P3H2: variants seen among roughly 807,000 people sequenced by gnomAD.
P3H2 encodes the protein prolyl 3-hydroxylase 2, also known as leprecan-like 1.
A neutral mutation model predicts 87.0 loss-of-function variants in P3H2; 80 were observed. The observed-to-expected ratio is 0.92, with a 90% CI of 0.77 to 1.11. The LOEUF (loss-of-function observed/expected upper bound fraction) is 1.11. Among genes scored for constraint, P3H2 ranks in the 50% least tolerant of loss-of-function variants. The pLI is 0.00. For missense variants in P3H2, 1,001 were observed against 923.9 expected (o/e 1.08, Z -1.08); for synonymous variants, 367 against 359.3 (o/e 1.02, Z -0.24).
chr3:189,972,720 A>G (rs1429457451), intron 11 of P3H2, among the ~76,000 whole-genome samples, 154 bp downstream of exon 11: 1 of 152,252 alleles, frequency 6.6e-6, no homozygotes, highest in African/African-American at 2.4e-5. Context: ...AGAAAAAGAA[A>G]GAAGCAGAAT....
Position 189,984,272 on chromosome 3 carries a change from C to T in P3H2, c.1229+278G>A, listed in dbSNP as rs9873025. 8.0e-3 allele frequency among the ~76,000 whole-genome samples: 1,218 copies of T among 152,100 alleles called. 14 individuals carry two copies. The highest frequency in any genetic ancestry group is 0.028 in the African/African-American group (1,176 of 41,470). ...AACCAGTATCCAACCTTCTCAGATTCGGAATCATGGAACGTTAGCAGATAG... is the reference window on the plus strand; with the variant it reads ...AACCAGTATCCAACCTTCTCAGATTTGGAATCATGGAACGTTAGCAGATAG... On this transcript the variant is annotated intron_variant, in intron 7 of 14. Transcript: ENST00000319332.
chr3:189,968,625 G>A (rs942057593), intron 13 of P3H2, among the ~76,000 whole-genome samples: 46 of 152,240 alleles, frequency 3.0e-4, no homozygotes, highest in African/African-American at 1.0e-3. Context: ...TGGGATTGCT[G>A]GGTCAAATGG....
In P3H2 at chr3:190,073,027, A is replaced by T. The variant is rs957713834; in HGVS notation, c.480+47225T>A. 1.1e-4 allele frequency among the ~76,000 whole-genome samples: 17 copies of T among 152,222 alleles called. 1 individual carries two copies. The highest frequency in any genetic ancestry group is 3.9e-4 in the African/African-American group (16 of 41,458). On this transcript the variant is annotated intron_variant, in intron 1 of 14. Coordinates refer to ENST00000319332, the MANE Select transcript of P3H2 (RefSeq NM_018192.4). ...CTCCTGTACCATTTTAACTGCATTC[A>T]TATCACTTTAAAAATCACAAAGTCA...
chr3:190,118,895 C>A (rs975723590), intron 1 of P3H2, among the ~76,000 whole-genome samples: 9 of 151,652 alleles, frequency 5.9e-5, no homozygotes, highest in Non-Finnish European at 1.3e-4. Flanking sequence ...GAGTTCGAGA[C>A]CAGCCTGGCC....
At chr3:190,094,633 C>T (rs1251818226) in intron 1 of P3H2, among the ~76,000 whole-genome samples, 2 of 152,208 alleles carry the variant, frequency 1.3e-5, no homozygotes, top group Non-Finnish European at 2.9e-5. Context: ...AATACAGCAA[C>T]AACAGTGGGG....
In P3H2 at chr3:189,963,938, T is replaced by C. The variant is rs376374097; in HGVS notation, c.2034+20A>G. On this transcript the variant is annotated intron_variant, in intron 14 of 14. Coordinates refer to ENST00000319332, the MANE Select transcript of P3H2 (RefSeq NM_018192.4). Reference sequence around the variant, plus strand: ...CATGAAGCAAGCCTAATTGGCTTTCTGGGCGGGTGAGAAACTCACCAATTC... The same window carrying C: ...CATGAAGCAAGCCTAATTGGCTTTCCGGGCGGGTGAGAAACTCACCAATTC... 7.4e-6 allele frequency: 12 copies of C among 1,614,046 alleles called. No homozygotes were observed. The highest frequency in any genetic ancestry group is 1.0e-5 in the Non-Finnish European group (12 of 1,180,000).
chr3:190,010,591 C>T (rs1724555973), intron 1 of P3H2, among the ~76,000 whole-genome samples: 1 of 152,106 alleles, frequency 6.6e-6, no homozygotes, highest in African/African-American at 2.4e-5. Flanking sequence ...AAGAGGGCAA[C>T]AATCTGCAAG....
At chr3:190,080,630 G>A (rs779652012) in intron 1 of P3H2, among the ~76,000 whole-genome samples, 51 of 151,950 alleles carry the variant, frequency 3.4e-4, no homozygotes, top group East Asian at 1.9e-4. Flanking sequence ...TCGAACTCCC[G>A]ACCTCAGGTG....
At chr3:189,993,637 T>A (rs1470767572) in intron 3 of P3H2, among the ~76,000 whole-genome samples, 1 of 152,136 alleles carries the variant, frequency 6.6e-6, no homozygotes, top group African/African-American at 2.4e-5. Context: ...TTGTTTATAA[T>A]AATGAAAAAT....
intron 1 of P3H2, among the ~76,000 whole-genome samples, chr3:190,110,292 T>TAAC (rs1391702445): frequency 6.6e-6 from 1 of 152,158 alleles, no homozygotes; most frequent in Non-Finnish European, 1.5e-5. Flanking sequence ...ACTACTGATA[T>TAAC]AACAGGTAAA....
At chr3:190,066,889 C>G (rs1726527137) in intron 1 of P3H2, among the ~76,000 whole-genome samples, 1 of 152,118 alleles carries the variant, frequency 6.6e-6, no homozygotes, top group Non-Finnish European at 1.5e-5. Context: ...CCTTCTCCTT[C>G]CACCTTTCCA....
intron 1 of P3H2, among the ~76,000 whole-genome samples, chr3:190,118,293 T>C (rs1712374595): frequency 6.6e-6 from 1 of 151,940 alleles, no homozygotes; most frequent in South Asian, 2.1e-4. Flanking sequence ...GAAAGGAAAA[T>C]ATGTCCAAAA....
Position 189,974,595 on chromosome 3 carries a change from G to A in P3H2, c.1415C>T (p.Ser472Leu), listed in dbSNP as rs777721300. 3.1e-5 allele frequency: 50 copies of A among 1,613,982 alleles called. No individual in the cohort carries two copies. Among genetic ancestry groups the A allele is most frequent in the East Asian group, 8.9e-5 (4 of 44,884 alleles). ...GTGGAGCTCCCGGCACTGTTCTTCC[G>A]ACAGGACGTTATCCAGGAGAACCCG... ...TQRVLLDNVL[S>L]EEQCRELHSV... The change falls in exon 9 of 15, where the codon TCG becomes TTG. Residue 472 changes from serine to leucine, a missense_variant. Transcript: ENST00000319332.
intron 13 of P3H2, chr3:189,969,426 T>C: frequency 1.2e-6 from 1 of 817,322 alleles, no homozygotes. Context: ...CGTCTCTCGT[T>C]TGGGGGCTTG....
At chr3:190,093,926 T>C (rs1449115203) in intron 1 of P3H2, among the ~76,000 whole-genome samples, 1 of 152,202 alleles carries the variant, frequency 6.6e-6, no homozygotes, top group East Asian at 1.9e-4. Flanking sequence ...TCATTTAGTT[T>C]TCATTTTACA....
intron 1 of P3H2, among the ~76,000 whole-genome samples, chr3:190,037,847 T>C (rs1426096768): frequency 2.6e-5 from 4 of 152,160 alleles, no homozygotes; most frequent in Admixed American, 2.6e-4. Flanking sequence ...AGAATATTTC[T>C]ATTGCAATGA....
At chr3:190,034,457 A>T (rs1402094777) in intron 1 of P3H2, among the ~76,000 whole-genome samples, 13 of 152,262 alleles carry the variant, frequency 8.5e-5, no homozygotes, top group Admixed American at 8.5e-4. Context: ...AGATATGTAA[A>T]AAACATAGGA....
rs145281030 is a variant in P3H2 at position 190,112,649 on chromosome 3, C to T, written c.480+7603G>A. Among the ~76,000 whole-genome samples, 49 of 152,218 alleles carry T rather than the reference C, an allele frequency of 3.2e-4. 1 individual carries two copies. Among genetic ancestry groups the T allele is most frequent in the South Asian group, 1.0e-3 (5 of 4,824 alleles). ...AAAACAGAGAAATAACTAGAGGAAACGATATAGTACAGTAGAGCAGAAAGG... is the reference window on the plus strand; with the variant it reads ...AAAACAGAGAAATAACTAGAGGAAATGATATAGTACAGTAGAGCAGAAAGG... On this transcript the variant is annotated intron_variant, in intron 1 of 14. Transcript: ENST00000319332.
At chr3:190,030,712 T>C (rs1725225519) in intron 1 of P3H2, among the ~76,000 whole-genome samples, 1 of 152,160 alleles carries the variant, frequency 6.6e-6, no homozygotes, top group Non-Finnish European at 1.5e-5. Context: ...CATGCTATAG[T>C]AAATTTATAA....
Sources: allele counts gnomAD v4.1 joint callset (sites outside exome capture counted in the v4.1 genomes callset), GRCh38; gene constraint gnomAD v4.1.1; transcripts MANE v1.5; gene names NCBI Gene and HGNC (gene_info 2026-07-23, HGNC 2026-07-21).